Variants in SEMA5B observed in about 807,000 individuals in gnomAD.
SEMA5B encodes the protein semaphorin 5B.
SEMA5B carries 66 observed loss-of-function variants against 135.0 expected under a neutral mutation model. The ratio of observed to expected loss-of-function variants is 0.49; its 90% CI spans 0.40 to 0.60. The LOEUF is 0.60. Ranked by LOEUF, SEMA5B falls within the 20% of genes least tolerant of loss-of-function variation. The probability of loss-of-function intolerance (pLI) is 0.00; values close to 1 mark genes in which losing one functional copy is unlikely to be tolerated. For synonymous variants in SEMA5B, 690 were observed against 639.5 expected, an observed-to-expected ratio of 1.08 and a Z score of -1.19; for missense variants, 1,501 against 1,566.3, an observed-to-expected ratio of 0.96 and a Z score of 0.70.
At position 122,926,324 on chromosome 3, in the gene SEMA5B, C is replaced by A. The variant is rs995981225; in HGVS notation, c.1136+68G>T. 90 of 1,464,726 alleles carry A rather than the reference C, an allele frequency of 6.1e-5. No individual in the cohort carries two copies. The South Asian group carries it at 1.1e-3, about 18-fold the overall frequency. The allele number at this position is 1,464,726 out of a possible 1,614,324, so 90.7% of individuals were successfully genotyped here. On this transcript the variant is annotated intron_variant, in intron 9 of 22. Coordinates refer to ENST00000357599, the MANE Select transcript of SEMA5B (RefSeq NM_001031702.4). Reference sequence around the variant, plus strand: ...CAGTCCCCATTTTATAGATGAAGCCCACCAGGCCATGAGGCCAGGCCAGCT... The same window carrying A: ...CAGTCCCCATTTTATAGATGAAGCCAACCAGGCCATGAGGCCAGGCCAGCT...
At chr3:122,959,052 T>C (rs901196577) in intron 2 of SEMA5B, among the ~76,000 whole-genome samples, 2 of 152,122 alleles carry the variant, frequency 1.3e-5, no homozygotes, top group African/African-American at 4.8e-5. Context: ...CTGTACTTTA[T>C]AGATGAAGAA....
chr3:123,004,567 T>G (rs899212078), intron 1 of SEMA5B, among the ~76,000 whole-genome samples: 1 of 152,216 alleles, frequency 6.6e-6, no homozygotes, highest in African/African-American at 2.4e-5. Context: ...AATGTAAAAC[T>G]GTTGTTGCTT....
chr3:123,016,559 C>T (rs1942562500), intron 1 of SEMA5B, among the ~76,000 whole-genome samples: 1 of 152,118 alleles, frequency 6.6e-6, no homozygotes, highest in African/African-American at 2.4e-5. Context: ...AGCATAGATA[C>T]ATTTAAAAAT....
At chr3:122,910,542 G>A (rs1016304440) in intron 22 of SEMA5B, among the ~76,000 whole-genome samples, 3 of 152,158 alleles carry the variant, frequency 2.0e-5, no homozygotes, top group Non-Finnish European at 2.9e-5. Flanking sequence ...GGGCGCGGTG[G>A]CTCACGCCTG....
At chr3:123,000,259 A>G (rs746381102) in intron 1 of SEMA5B, among the ~76,000 whole-genome samples, 1 of 152,164 alleles carries the variant, frequency 6.6e-6, no homozygotes, top group African/African-American at 2.4e-5. Flanking sequence ...GAAGGATAGA[A>G]TAGGGCAAGG....
At chr3:122,960,342 G>T (rs1055582745) in intron 2 of SEMA5B, among the ~76,000 whole-genome samples, 1 of 152,128 alleles carries the variant, frequency 6.6e-6, no homozygotes, top group African/African-American at 2.4e-5. Flanking sequence ...CCACTGAACC[G>T]CATACTTGAA....
chr3:122,924,440 C>T (rs911264636), intron 9 of SEMA5B, among the ~76,000 whole-genome samples: 10 of 152,336 alleles, frequency 6.6e-5, no homozygotes, highest in Non-Finnish European at 1.3e-4. Flanking sequence ...CTGCATTGTC[C>T]TCCTGGTGGT....
intron 1 of SEMA5B, among the ~76,000 whole-genome samples, chr3:123,001,495 A>G (rs1248582497): frequency 2.0e-5 from 3 of 152,128 alleles, no homozygotes; most frequent in South Asian, 2.1e-4. Flanking sequence ...CTTCATACTC[A>G]ATACATCTGC....
intron 1 of SEMA5B, among the ~76,000 whole-genome samples, chr3:122,997,921 T>C (rs928727363): frequency 6.6e-6 from 1 of 152,146 alleles, no homozygotes; most frequent in African/African-American, 2.4e-5. Flanking sequence ...TACCCCAGCC[T>C]CTAGGTATCA....
intron 5 of SEMA5B, among the ~76,000 whole-genome samples, chr3:122,937,861 C>T (rs1372309870): frequency 1.3e-5 from 2 of 152,224 alleles, no homozygotes; most frequent in African/African-American, 4.8e-5. Context: ...AAATAAAAAC[C>T]CAGCTGCCTG....
At chr3:122,952,276 C>T (rs539621117) in intron 2 of SEMA5B, among the ~76,000 whole-genome samples, 16 of 152,282 alleles carry the variant, frequency 1.1e-4, no homozygotes, top group African/African-American at 3.4e-4. Flanking sequence ...CATGGGGTTT[C>T]GCCGTGCTGT....
chr3:122,918,973 C>A (rs1337241105), intron 12 of SEMA5B, among the ~76,000 whole-genome samples: 1 of 148,402 alleles, frequency 6.7e-6, no homozygotes, highest in Non-Finnish European at 1.5e-5. Context: ...AGCCATCAGA[C>A]CAATAATATA....
At chr3:123,009,032 A>G (rs1172896980) in intron 1 of SEMA5B, among the ~76,000 whole-genome samples, 1 of 152,212 alleles carries the variant, frequency 6.6e-6, no homozygotes, top group Admixed American at 6.5e-5. Flanking sequence ...AGCCTGCTCC[A>G]TCAATGCCAC....
intron 1 of SEMA5B, among the ~76,000 whole-genome samples, chr3:123,001,979 T>G (rs1275000369): frequency 1.3e-5 from 2 of 152,136 alleles, no homozygotes; most frequent in Non-Finnish European, 2.9e-5. Flanking sequence ...TCAAAATAAG[T>G]GTTCTCCACA....
intron 1 of SEMA5B, among the ~76,000 whole-genome samples, chr3:123,009,854 C>G (rs932118264): frequency 6.6e-6 from 1 of 152,202 alleles, no homozygotes; most frequent in African/African-American, 2.4e-5. Flanking sequence ...TTTACTGAGG[C>G]CTTGGTGCCT....
At position 122,948,606 on chromosome 3, in the gene SEMA5B, C is replaced by T. The variant is rs1939899858; in HGVS notation, c.228G>A (p.Leu76=). Residue 76 remains leucine, a synonymous_variant, in exon 3 of 23, where the codon CTG becomes CTA. Transcript: ENST00000357599. The part of the protein sequence containing the change: ...AVSLLLPSLT[L]LVSHLSSSQD... ...GGGAGCTGGAGAGGTGGGACACCAG[C>T]AGTGTGAGGCTGGGCAGCAACAGCG... The T allele has an allele frequency of 1.2e-6, 2 of 1,614,036 alleles. No individual in the cohort carries two copies. Among genetic ancestry groups the T allele is most frequent in the Non-Finnish European group, 1.7e-6 (2 of 1,179,964 alleles).
At chr3:122,960,057 C>T (rs1940506995) in intron 2 of SEMA5B, among the ~76,000 whole-genome samples, 1 of 152,172 alleles carries the variant, frequency 6.6e-6, no homozygotes, top group African/African-American at 2.4e-5. Context: ...ATTTCACTAT[C>T]AGATATTCAG....
At chr3:122,963,641 G>A (rs1034117794) in intron 1 of SEMA5B, among the ~76,000 whole-genome samples, 35 of 152,224 alleles carry the variant, frequency 2.3e-4, no homozygotes, top group African/African-American at 7.7e-4. Flanking sequence ...TTTGTGTGTC[G>A]TTGGGGAGCC....
chr3:122,991,403 G>A (rs1941873164), intron 1 of SEMA5B, among the ~76,000 whole-genome samples: 3 of 152,184 alleles, frequency 2.0e-5, no homozygotes. Context: ...TCAGCCAGGA[G>A]TAATTTTGCC....
Sources: gnomAD v4.1 joint callset for allele counts (sites outside exome capture counted in the v4.1 genomes callset) on GRCh38, gnomAD v4.1.1 for gene constraint, MANE v1.5 for transcripts, NCBI Gene and HGNC (gene_info 2026-07-23, HGNC 2026-07-21) for gene names.